Variants in KLF12 observed in about 807,000 individuals in gnomAD.
KLF12 encodes the protein Krueppel-like factor 12.
KLF12 carries 9 observed loss-of-function variants against 37.8 expected under a neutral mutation model. The observed-to-expected ratio is 0.24, with a 90% CI of 0.14 to 0.42. KLF12 has a LOEUF of 0.42. Among genes scored for constraint, KLF12 ranks in the 10% least tolerant of loss-of-function variants. KLF12 has a pLI of 1.00. For missense variants in KLF12, 411 were observed against 516.0 expected (o/e 0.80, Z 1.97); for synonymous variants, 208 against 202.1 (o/e 1.03, Z -0.25).
chr13:73,837,390 C>T (rs1233831559), intron 4 of KLF12, among the ~76,000 whole-genome samples: 2 of 152,152 alleles, frequency 1.3e-5, no homozygotes, highest in South Asian at 2.1e-4. Flanking sequence ...TAAACAAGAG[C>T]GTAAGAAGCC....
chr13:74,020,460 C>A (rs1892813415), intron 1 of KLF12, among the ~76,000 whole-genome samples: 1 of 152,168 alleles, frequency 6.6e-6, no homozygotes. Context: ...ATTTAGAATG[C>A]ACTCTAATTT....
At chr13:73,866,886 G>C (rs1168421748) in intron 3 of KLF12, among the ~76,000 whole-genome samples, 1 of 129,362 alleles carries the variant, frequency 7.7e-6, no homozygotes, top group African/African-American at 3.2e-5. Flanking sequence ...GGGGCAAAAA[G>C]GGGGGGGGGA....
intron 4 of KLF12, among the ~76,000 whole-genome samples, chr13:73,820,335 A>G (rs917703488): frequency 3.3e-5 from 5 of 152,200 alleles, no homozygotes; most frequent in Admixed American, 6.5e-5. Context: ...CCTTCCTAAT[A>G]TATTTGTACA....
chr13:74,039,913 A>G (rs1893356359), intron 1 of KLF12, among the ~76,000 whole-genome samples: 1 of 152,266 alleles, frequency 6.6e-6, no homozygotes, highest in Non-Finnish European at 1.5e-5. Context: ...TCAGTATAAA[A>G]TAGTGACTTA....
At chr13:74,280,450 C>A in the KLF12 span, among the ~76,000 whole-genome samples, 7 of 152,126 alleles carry the variant, frequency 4.6e-5, no homozygotes, top group African/African-American at 1.7e-4. Context: ...TCTGATTTAC[C>A]CTTAAGCCAT....
At chr13:73,959,123 C>CCAAAAAAAAAAAAAAAA (rs1426225487) in intron 2 of KLF12, among the ~76,000 whole-genome samples, 2 of 11,504 alleles carry the variant, frequency 1.7e-4, no homozygotes, top group Admixed American at 6.2e-4. Context: ...CACCCCCCTT[C>CCAAAAAAAAAAAAAAAA]CAAAAAAAAA....
chr13:74,295,462 C>T, the KLF12 span, among the ~76,000 whole-genome samples: 1 of 152,158 alleles, frequency 6.6e-6, no homozygotes, highest in Non-Finnish European at 1.5e-5. Flanking sequence ...TGTACTTGGG[C>T]AGAATTTGCC....
At chr13:73,750,704 T>C (rs917980268) in intron 6 of KLF12, among the ~76,000 whole-genome samples, 1 of 152,100 alleles carries the variant, frequency 6.6e-6, no homozygotes, top group Non-Finnish European at 1.5e-5. Flanking sequence ...ATGTGTACCA[T>C]GGTGATTAGC....
At chr13:73,840,969 C>G (rs1325968400) in intron 4 of KLF12, among the ~76,000 whole-genome samples, 2 of 152,160 alleles carry the variant, frequency 1.3e-5, no homozygotes, top group Non-Finnish European at 2.9e-5. Context: ...ATTACTGACA[C>G]AGCTTACTTC....
chr13:74,186,635 C>T, the KLF12 span, among the ~76,000 whole-genome samples: 1 of 152,164 alleles, frequency 6.6e-6, no homozygotes, highest in African/African-American at 2.4e-5. Context: ...GAGACTTTAG[C>T]TTTCCTCCAA....
chr13:74,295,005 C>G, the KLF12 span, among the ~76,000 whole-genome samples: 14 of 152,248 alleles, frequency 9.2e-5, no homozygotes, highest in Non-Finnish European at 1.3e-4. Context: ...TAGGCTCTGT[C>G]CCCTGACAAA....
At position 73,732,664 on chromosome 13, in the gene KLF12, T is replaced by C. The variant is rs979392102; in HGVS notation, c.870-17139A>G. 2.0e-5 allele frequency among the ~76,000 whole-genome samples: 3 copies of C among 152,226 alleles called. No homozygotes were observed. In the East Asian group the frequency reaches 5.8e-4, roughly 29 times the overall value. ...CAGTCCTCCAGCCGTTTCTCCTTTC[T>C]GTTTCAACTCTTCCTTGAGTGATCT... On this transcript the variant is annotated intron_variant, in intron 6 of 7. Transcript: ENST00000377669.
the KLF12 span, among the ~76,000 whole-genome samples, chr13:74,273,795 A>G: frequency 2.2e-3 from 335 of 152,252 alleles, 2 homozygotes; most frequent in African/African-American, 7.2e-3. Flanking sequence ...TAGTACAAGG[A>G]TTACATAATG....
chr13:73,866,413 T>C (rs565196283), intron 3 of KLF12, among the ~76,000 whole-genome samples: 8 of 152,146 alleles, frequency 5.3e-5, no homozygotes, highest in Non-Finnish European at 1.2e-4. Context: ...CATTTTGCTG[T>C]ACAATTCAAG....
At chr13:74,129,874 G>A (rs1202530002) in intron 1 of KLF12, among the ~76,000 whole-genome samples, 2 of 152,192 alleles carry the variant, frequency 1.3e-5, no homozygotes, top group Non-Finnish European at 1.5e-5. Context: ...ACAATATAGA[G>A]AGAAAGTAAC....
At chr13:73,802,241 A>C (rs557054558) in intron 5 of KLF12, 7 of 152,162 alleles carry the variant, frequency 4.6e-5, no homozygotes, top group Non-Finnish European at 8.8e-5. Flanking sequence ...ATTCATGCAC[A>C]AAAAATTATC....
chr13:73,830,433 T>C (rs1001553139), intron 4 of KLF12, among the ~76,000 whole-genome samples: 5 of 152,334 alleles, frequency 3.3e-5, no homozygotes, highest in Admixed American at 3.3e-4. Context: ...CAGATTTTAC[T>C]ATGAAGCTAT....
chr13:74,007,544 G>A (rs983039631), intron 1 of KLF12, among the ~76,000 whole-genome samples: 3 of 152,030 alleles, frequency 2.0e-5, no homozygotes, highest in African/African-American at 7.2e-5. Context: ...CAGTGTGCTG[G>A]GATTACAGGC....
chr13:74,138,541 G>A (rs563311024), upstream of KLF12, among the ~76,000 whole-genome samples: 6 of 152,174 alleles, frequency 3.9e-5, no homozygotes, highest in Non-Finnish European at 5.9e-5. Flanking sequence ...TGATTTGGGG[G>A]ATGAGCTGTC....
Sources: gnomAD v4.1 joint callset for allele counts (sites outside exome capture counted in the v4.1 genomes callset) on GRCh38, gnomAD v4.1.1 for gene constraint, MANE v1.5 for transcripts, NCBI Gene and HGNC (gene_info 2026-07-23, HGNC 2026-07-21) for gene names.